Variants in KIAA1210 observed in about 807,000 individuals in gnomAD.
KIAA1210 encodes KIAA1210, also known as acrosomal protein KIAA1210.
Under a neutral mutation model 78.9 loss-of-function variants are expected in KIAA1210, and 48 were observed. The observed-to-expected ratio is 0.61, with a 90% CI of 0.48 to 0.77. The LOEUF is 0.77. KIAA1210 is among the 30% of genes least tolerant of loss of function. The pLI is 0.00. For synonymous variants in KIAA1210, 406 were observed against 404.5 expected (o/e 1.00, Z -0.04); for missense variants, 1,108 against 1,100.0 (o/e 1.01, Z -0.10).
intron 10 of KIAA1210, among the ~76,000 whole-genome samples, chrX:119,083,455 C>A (rs1927030455): frequency 8.9e-6 from 1 of 112,118 alleles, no homozygotes; most frequent in African/African-American, 3.2e-5. Context: ...ACTTTACCAG[C>A]ACTTAACAGC....
chrX:119,150,440 C>T, exon 1 of KIAA1210: 1 of 1,211,955 alleles, frequency 8.3e-7, no homozygotes, highest in Non-Finnish European at 1.1e-6. Flanking sequence ...AAGACAACTG[C>T]AACAGCCTTG....
intron 10 of KIAA1210, among the ~76,000 whole-genome samples, chrX:119,083,581 A>G (rs1048734094): frequency 8.9e-6 from 1 of 112,341 alleles, no homozygotes; most frequent in Admixed American, 9.5e-5. Context: ...TTCTCACATT[A>G]GAAAGTAATA....
At chrX:119,092,037 A>G (rs1459542447) in intron 8 of KIAA1210, among the ~76,000 whole-genome samples, 2 of 111,878 alleles carry the variant, frequency 1.8e-5, no homozygotes, top group Admixed American at 9.4e-5. Flanking sequence ...AGACTTCACC[A>G]CTATACAATC....
chrX:119,105,002 G>T lies in KIAA1210; in HGVS notation c.638C>A (p.Thr213Lys), dbSNP rs756016291. The T allele has an allele frequency of 8.3e-7, 1 of 1,208,999 alleles. No homozygotes were observed. The highest frequency in any genetic ancestry group is 1.8e-5 in the South Asian group (1 of 56,402). Residue 213 changes from threonine (T) to lysine (K), a missense_variant, in exon 6 of 12, where the codon ACA becomes AAA. Physicochemically the swap from Thr to Lys is moderately conservative, Grantham distance 78 (BLOSUM62 -1). Around this residue, in one of 5 missense-constraint regions of KIAA1210, gnomAD observed 672 missense variants for 607.1 expected, o/e 1.11. Coordinates refer to ENST00000691062, the MANE Select transcript of KIAA1210 (RefSeq NM_001394962.1). ...QKKALPHKSL[T>K]ATQSFSELSS... ...TTAATATATACTCACCTGAGTCGCTGTCAAACTCTTATGTGGTAAAGCCTT... is the reference window on the plus strand; with the variant it reads ...TTAATATATACTCACCTGAGTCGCTTTCAAACTCTTATGTGGTAAAGCCTT...
chrX:119,126,656 C>T (rs1204469257), intron 1 of KIAA1210, among the ~76,000 whole-genome samples: 1 of 111,939 alleles, frequency 8.9e-6, no homozygotes, highest in Non-Finnish European at 1.9e-5. Context: ...ATCAGGAGAG[C>T]CCACATCAAT....
intron 1 of KIAA1210, among the ~76,000 whole-genome samples, chrX:119,124,597 A>G (rs1325454551): frequency 8.9e-6 from 1 of 112,146 alleles, no homozygotes; most frequent in Non-Finnish European, 1.9e-5. Flanking sequence ...TGACTACATG[A>G]AAATTTCAGG....
intron 1 of KIAA1210, among the ~76,000 whole-genome samples, chrX:119,148,301 G>T (rs754839611): frequency 8.9e-6 from 1 of 111,767 alleles, no homozygotes; most frequent in South Asian, 3.8e-4. Flanking sequence ...AGACAGCTCT[G>T]TGCTGGGAGT....
Position 119,111,895 on chromosome X carries a change from A to T in KIAA1210, c.231-2693T>A, listed in dbSNP as rs1347706266. On this transcript the variant is annotated intron_variant, in intron 3 of 11. Transcript: ENST00000691062. ...TAGATATGACACCAGAAGCTCAAGT[A>T]ACAAAAGAAAAAATAAATAGATAAA... 2.7e-5 allele frequency among the ~76,000 whole-genome samples: 3 copies of T among 111,737 alleles called. No homozygotes were observed. In the East Asian group the frequency reaches 8.3e-4, roughly 31 times the overall value.
chrX:119,098,812 G>GT (rs952464224), intron 6 of KIAA1210, among the ~76,000 whole-genome samples: 6 of 111,227 alleles, frequency 5.4e-5, no homozygotes, highest in African/African-American at 2.0e-4. Flanking sequence ...ATGAAGAAGG[G>GT]TTTTTATCTG....
At chrX:119,109,315 G>A (rs1927998975) in intron 3 of KIAA1210, 113 bp from the exon 4 acceptor site, 1 of 719,724 alleles carries the variant, frequency 1.4e-6, no homozygotes, top group Non-Finnish European at 2.0e-6. Context: ...GAGCAGGGAT[G>A]CATATGTGCT....
chrX:119,101,849 C>G (rs1255128695), intron 6 of KIAA1210, among the ~76,000 whole-genome samples: 1 of 111,878 alleles, frequency 8.9e-6, no homozygotes. Context: ...CTAGCTATAC[C>G]ACTTATTGGC....
In KIAA1210 at chrX:119,108,329, T is replaced by C. The variant is rs1487415003; in HGVS notation, c.492+8A>G. 8.3e-7 allele frequency: 1 copy of C among 1,207,070 alleles called. No homozygotes were observed. Among genetic ancestry groups the C allele is most frequent in the African/African-American group, 1.7e-5 (1 of 57,551 alleles). On this transcript the variant is annotated splice_region_variant and intron_variant, in intron 5 of 11. Transcript: ENST00000691062. ...CTGCCCATGCGCTGAACAATTCCACTTTGTTACCTCAGTGATCTTGGGGCC... is the reference window on the plus strand; with the variant it reads ...CTGCCCATGCGCTGAACAATTCCACCTTGTTACCTCAGTGATCTTGGGGCC...
chrX:119,082,996 T>C lies in KIAA1210; in HGVS notation c.4426+19A>G. The C allele has an allele frequency of 8.9e-7, 1 of 1,123,710 alleles. No homozygotes were observed. The highest frequency in any genetic ancestry group is 1.2e-6 in the Non-Finnish European group (1 of 828,357). 92.6% of individuals were successfully genotyped at this position (1,123,710 alleles called of 1,213,427 possible). ...TCTGTCGGGGCTGTTTTTTGAGAGG[T>C]CAGAATGTATGCTTTTACCTGATTT... On this transcript the variant is annotated intron_variant, in intron 11 of 11. Coordinates refer to ENST00000691062, the MANE Select transcript of KIAA1210 (RefSeq NM_001394962.1).
chrX:119,108,525 AG>A (rs1927963922), intron 4 of KIAA1210, 54 bp from the exon 5 acceptor site: 1 of 1,159,367 alleles, frequency 8.6e-7, no homozygotes, highest in African/African-American at 1.8e-5. Flanking sequence ...GCACATAAAC[AG>A]TGGAATGTTG....
In KIAA1210 at chrX:119,088,018, G is replaced by A; in HGVS notation, c.2684C>T (p.Ala895Val). Residue 895 changes from alanine (A) to valine (V), a missense_variant, in exon 9 of 12, where the codon GCA becomes GTA. Coordinates refer to ENST00000691062, the MANE Select transcript of KIAA1210 (RefSeq NM_001394962.1). Reference sequence around the variant, plus strand: ...TGGTGCCACAGGACTGCTCCATTCTGCAGAAGTACTCATTGAGTCCAGGAA... The same window carrying A: ...TGGTGCCACAGGACTGCTCCATTCTACAGAAGTACTCATTGAGTCCAGGAA... ...PKFLDSMSTS[A>V]EWSSPVAPTP... The A allele has an allele frequency of 2.5e-6, 3 of 1,211,373 alleles. No homozygotes were observed. In the Admixed American group the frequency reaches 6.5e-5, roughly 26 times the overall value.
At chrX:119,106,346 C>T (rs957380051) in intron 5 of KIAA1210, among the ~76,000 whole-genome samples, 12 of 112,265 alleles carry the variant, frequency 1.1e-4, no homozygotes, top group Admixed American at 5.7e-4. Context: ...CTCCATTTTA[C>T]GGACGGGGAA....
intron 2 of KIAA1210, among the ~76,000 whole-genome samples, chrX:119,118,968 G>T (rs1403512748): frequency 2.7e-5 from 3 of 112,317 alleles, no homozygotes; most frequent in Non-Finnish European, 5.6e-5. Context: ...TGCAAGGCAT[G>T]CAGTAACAGC....
rs1010729981 is a variant in KIAA1210 at position 119,116,501 on chromosome X, C to A, written c.225G>T (p.Lys75Asn). ...LQPVRENQPT[K>N]ARAKSSMGSK... Reference sequence around the variant, plus strand: ...TCCACCGCATCTGAGCTCACCTGGCCTTAGTTGGTTGATTTTCCCGAACGG... The same window carrying A: ...TCCACCGCATCTGAGCTCACCTGGCATTAGTTGGTTGATTTTCCCGAACGG... The change falls in exon 3 of 12, where the codon AAG (lysine) becomes AAT (asparagine). Residue 75 changes from lysine (K) to asparagine (N), a missense_variant. By Grantham distance (94) the Lys-to-Asn change is moderately conservative. Transcript: ENST00000691062. The A allele has an allele frequency of 5.8e-6, 7 of 1,209,248 alleles. No individual in the cohort carries two copies. The Admixed American group carries it at 1.3e-4, about 23-fold the overall frequency.
At chrX:119,082,034 A>T (rs1285315404) in intron 11 of KIAA1210, among the ~76,000 whole-genome samples, 7 of 110,132 alleles carry the variant, frequency 6.4e-5, no homozygotes, top group Admixed American at 2.9e-4. Flanking sequence ...TCCTAATTCC[A>T]CTCCCTCCCT....
Sources: allele counts gnomAD v4.1 joint callset (sites outside exome capture counted in the v4.1 genomes callset), GRCh38; gene constraint gnomAD v4.1.1; regional missense constraint gnomAD v4.1.1; transcripts MANE v1.5; gene names NCBI Gene and HGNC (gene_info 2026-07-23, HGNC 2026-07-21).